SPAST: variants seen among roughly 807,000 people sequenced by gnomAD.
SPAST encodes spastin.
SPAST carries 30 observed loss-of-function variants against 76.6 expected under a neutral mutation model. The ratio of observed to expected loss-of-function variants is 0.39; its 90% CI spans 0.29 to 0.53. The LOEUF (loss-of-function observed/expected upper bound fraction) is 0.53, where lower values mean the gene tolerates loss of function less well. Among genes scored for constraint, SPAST ranks in the 20% least tolerant of loss-of-function variants. The pLI is 0.68. For missense variants in SPAST, 717 were observed against 770.5 expected (o/e 0.93, Z 0.82); for synonymous variants, 305 against 281.0 (o/e 1.09, Z -0.86).
rs1375181122 is a variant in SPAST at position 32,120,621 on chromosome 2, T to A, written c.1098+4409T>A. Among the ~76,000 whole-genome samples, 3 of 151,612 alleles carry A rather than the reference T, an allele frequency of 2.0e-5. No individual in the cohort carries two copies. The East Asian group carries it at 5.9e-4, about 30-fold the overall frequency. ...AATACCTTTTCCTGGAACCACCTTC[T>A]TCTTTTCATTCGAGACCAAATGCTT... On this transcript the variant is annotated intron_variant, in intron 7 of 16. Coordinates refer to ENST00000315285, the MANE Select transcript of SPAST (RefSeq NM_014946.4).
At chr2:32,067,389 G>A (rs1265257153) in intron 1 of SPAST, among the ~76,000 whole-genome samples, 3 of 152,086 alleles carry the variant, frequency 2.0e-5, no homozygotes, top group Non-Finnish European at 4.4e-5. Flanking sequence ...AACACTGTTG[G>A]TTGATGGGAG....
chr2:32,113,332 G>A (rs1001211392), intron 4 of SPAST, among the ~76,000 whole-genome samples: 12 of 151,364 alleles, frequency 7.9e-5, no homozygotes, highest in Admixed American at 1.3e-4. Flanking sequence ...TGATCTGCCC[G>A]CCTCAGCCTC....
intron 4 of SPAST, among the ~76,000 whole-genome samples, chr2:32,107,789 A>G: frequency 6.6e-6 from 1 of 152,170 alleles, no homozygotes; most frequent in East Asian, 1.9e-4. Context: ...TTGGCTTTAT[A>G]GCTAATTTAC....
At chr2:32,110,044 C>T (rs1345153631) in intron 4 of SPAST, among the ~76,000 whole-genome samples, 1 of 146,382 alleles carries the variant, frequency 6.8e-6, no homozygotes, top group East Asian at 2.0e-4. Flanking sequence ...TATATATAAA[C>T]TATATGTATA....
intron 4 of SPAST, among the ~76,000 whole-genome samples, chr2:32,100,497 C>G (rs1678080091): frequency 6.6e-6 from 1 of 151,918 alleles, no homozygotes; most frequent in Non-Finnish European, 1.5e-5. Flanking sequence ...TTCTAGGGTG[C>G]ATGTGCACAA....
chr2:32,090,684 T>G (rs1001350206), intron 3 of SPAST, among the ~76,000 whole-genome samples: 3 of 152,222 alleles, frequency 2.0e-5, no homozygotes, highest in Non-Finnish European at 4.4e-5. Flanking sequence ...TGTTTTTCAT[T>G]TTCTTCCAAT....
chr2:32,072,289 C>A (rs766409376), intron 1 of SPAST, among the ~76,000 whole-genome samples: 4 of 152,050 alleles, frequency 2.6e-5, no homozygotes, highest in Admixed American at 2.6e-4. Context: ...GTGATTCACC[C>A]GCCTCGGCCT....
At chr2:32,077,720 A>T (rs1677020824) in intron 1 of SPAST, 1 of 152,206 alleles carries the variant, frequency 6.6e-6, no homozygotes, top group African/African-American at 2.4e-5. Context: ...TCTGGGTCTC[A>T]CTAATATTTG....
Position 32,083,761 on chromosome 2 carries a change from TA to T in SPAST, c.416-3730del, listed in dbSNP as rs1558620175. Among the ~76,000 whole-genome samples, 83 of 94,174 alleles carry T rather than the reference TA, an allele frequency of 8.8e-4. 1 individual carries two copies. The highest frequency in any genetic ancestry group is 1.4e-3 in the Non-Finnish European group (70 of 48,818). The allele number at this position is 94,174 out of a possible 152,430, so 61.8% of individuals were successfully genotyped here. A position where few individuals can be genotyped will look rare whatever the true frequency, so the allele number is the denominator to read the frequency against. ...TATATTTATATATACTATATATATA[TA>T]TATATATATATATATTTTTTTTTTT... On this transcript the variant is annotated intron_variant, in intron 1 of 16. Transcript: ENST00000315285.
Position 32,115,833 on chromosome 2 carries a change from C to T in SPAST, c.1002C>T (p.Asp334=), listed in dbSNP as rs762108936. Residue 334 remains aspartate, a splice_region_variant and synonymous_variant, in exon 6 of 17, where the codon GAC becomes GAT. Transcript: ENST00000315285. ...LANLIMNEIV[D]NGTAVKFDDI... The stretch of plus-strand genomic sequence containing the variant: ...ACCTTATAATGAATGAAATTGTGGA[C>T]AAGTAAGTTTTGCCATCTAAATGTT... The T allele has an allele frequency of 6.2e-7, 1 of 1,606,692 alleles. No individual in the cohort carries two copies. The highest frequency in any genetic ancestry group is 2.2e-5 in the East Asian group (1 of 44,596).
chr2:32,108,752 G>A (rs1380013613), intron 4 of SPAST, among the ~76,000 whole-genome samples: 1 of 134,560 alleles, frequency 7.4e-6, no homozygotes, highest in African/African-American at 2.7e-5. Context: ...TGCCTGGCTG[G>A]TATAGCTTTT....
At chr2:32,113,348 A>G (rs461565) in intron 4 of SPAST, among the ~76,000 whole-genome samples, 1 of 150,814 alleles carries the variant, frequency 6.6e-6, no homozygotes, top group East Asian at 2.0e-4. Flanking sequence ...GCCTCCCAAA[A>G]TGCTGGGATT....
At chr2:32,123,296 T>G (rs1679079854) in intron 7 of SPAST, among the ~76,000 whole-genome samples, 1 of 151,828 alleles carries the variant, frequency 6.6e-6, no homozygotes, top group South Asian at 2.1e-4. Context: ...ATATTAACAC[T>G]AATAAAATGA....
chr2:32,088,961 G>A (rs1677601677), intron 2 of SPAST, among the ~76,000 whole-genome samples: 1 of 152,000 alleles, frequency 6.6e-6, no homozygotes, highest in Non-Finnish European at 1.5e-5. Flanking sequence ...GAAACGTGGG[G>A]AAAAAATATT....
chr2:32,069,098 G>A (rs545040586), intron 1 of SPAST, among the ~76,000 whole-genome samples: 36 of 151,846 alleles, frequency 2.4e-4, no homozygotes, highest in African/African-American at 7.5e-4. Flanking sequence ...CTGTAGTCCC[G>A]GGTACTTGGG....
At chr2:32,142,711 C>G (rs1439381878) in intron 13 of SPAST, among the ~76,000 whole-genome samples, 1 of 151,992 alleles carries the variant, frequency 6.6e-6, no homozygotes, top group Non-Finnish European at 1.5e-5. Flanking sequence ...TCGAAAATTT[C>G]TAGAAACGTA....
chr2:32,152,245 AAAGTAC>A (rs1224511116), intron 16 of SPAST, among the ~76,000 whole-genome samples: 1 of 152,200 alleles, frequency 6.6e-6, no homozygotes, highest in East Asian at 1.9e-4. Context: ...CTATAGACTT[AAAGTAC>A]AATTACATCA....
intron 15 of SPAST, among the ~76,000 whole-genome samples, chr2:32,145,729 C>T (rs150514833): frequency 6.6e-6 from 1 of 152,228 alleles, no homozygotes; most frequent in Admixed American, 6.5e-5. Context: ...TTCTGAAATA[C>T]CACGACCAAT....
chr2:32,079,090 C>T (rs1022437857), intron 1 of SPAST, among the ~76,000 whole-genome samples: 4 of 152,132 alleles, frequency 2.6e-5, no homozygotes, highest in Non-Finnish European at 4.4e-5. Context: ...ACCCGCCCAC[C>T]TCAGCCTCCC....
Sources: allele counts gnomAD v4.1 joint callset (sites outside exome capture counted in the v4.1 genomes callset), GRCh38; gene constraint gnomAD v4.1.1; transcripts MANE v1.5; gene names NCBI Gene and HGNC (gene_info 2026-07-23, HGNC 2026-07-21).